The following EPHA4 variants were observed in gnomAD, a reference collection of about 807,000 sequenced individuals.
EPHA4 encodes the protein ephrin type-A receptor 4.
A neutral mutation model predicts 108.3 loss-of-function variants in EPHA4; 19 were observed. The observed-to-expected ratio is 0.18, with a 90% confidence interval of 0.12 to 0.26. The LOEUF (loss-of-function observed/expected upper bound fraction) is 0.26. Ranked by LOEUF, EPHA4 falls within the 10% of genes least tolerant of loss-of-function variation. The pLI, the probability that EPHA4 is intolerant of heterozygous loss-of-function variation, is 1.00. For synonymous variants in EPHA4, 449 were observed against 455.5 expected, an observed-to-expected ratio of 0.99 and a Z score of 0.18; for missense variants, 917 against 1,254.0, an observed-to-expected ratio of 0.73 and a Z score of 4.06.
intron 3 of EPHA4, among the ~76,000 whole-genome samples, chr2:221,528,292 A>G (rs549770215): frequency 6.6e-6 from 1 of 152,324 alleles, no homozygotes; most frequent in South Asian, 2.1e-4. Context: ...AATAGCAAAT[A>G]CTAGCCTTGC....
chr2:221,478,909 A>C (rs1691738687), intron 5 of EPHA4, among the ~76,000 whole-genome samples: 1 of 152,222 alleles, frequency 6.6e-6, no homozygotes. Context: ...AAAAGCTGAC[A>C]GACATTCAGA....
intron 15 of EPHA4, among the ~76,000 whole-genome samples, chr2:221,429,525 T>G (rs945401153): frequency 1.3e-5 from 2 of 152,178 alleles, no homozygotes; most frequent in African/African-American, 4.8e-5. Context: ...AATTAACACT[T>G]TATAAATCAA....
chr2:221,504,180 C>T (rs574376864), intron 3 of EPHA4, among the ~76,000 whole-genome samples: 1 of 152,276 alleles, frequency 6.6e-6, no homozygotes, highest in South Asian at 2.1e-4. Context: ...CCTATTTCCA[C>T]CGAAGTTTCA....
rs745759587 is a variant in EPHA4 at position 221,482,587 on chromosome 2, G to C, written c.1083C>G (p.Ser361=). ...CACATTTCTTGCATACCACATTATAGGAAATGTCCTGGCGGCCACCTGTAT... is the reference window on the plus strand; with the variant it reads ...CACATTTCTTGCATACCACATTATACGAAATGTCCTGGCGGCCACCTGTAT... The part of the protein sequence containing the change: ...PQNTGGRQDI[S]YNVVCKKCGA... The change falls in exon 5 of 18, where the codon TCC becomes TCG. Residue 361 remains serine, a synonymous_variant. Coordinates refer to ENST00000281821, the MANE Select transcript of EPHA4 (RefSeq NM_004438.5). 48 of 1,613,944 alleles carry C rather than the reference G, an allele frequency of 3.0e-5. No homozygotes were observed. The highest frequency in any genetic ancestry group is 3.7e-5 in the Non-Finnish European group (44 of 1,180,000).
At chr2:221,504,243 A>G (rs565213157) in intron 3 of EPHA4, among the ~76,000 whole-genome samples, 3 of 152,312 alleles carry the variant, frequency 2.0e-5, no homozygotes, top group Admixed American at 2.0e-4. Flanking sequence ...TAGATATGCC[A>G]TGGAGAAAAG....
Position 221,501,004 on chromosome 2 carries a change from G to A in EPHA4, c.979+13C>T. On this transcript the variant is annotated intron_variant, in intron 4 of 17. Coordinates refer to ENST00000281821, the MANE Select transcript of EPHA4 (RefSeq NM_004438.5). ...TTGGCATCACAGGAATGAGAGACAA[G>A]CATACAACTTACGGGTGCAGGGCAT... The A allele has an allele frequency of 6.3e-7, 1 of 1,579,166 alleles. No individual in the cohort carries two copies. Among genetic ancestry groups the A allele is most frequent in the Non-Finnish European group, 8.6e-7 (1 of 1,164,190 alleles).
At chr2:221,441,490 A>G (rs1167331039) in intron 11 of EPHA4, among the ~76,000 whole-genome samples, 1 of 151,950 alleles carries the variant, frequency 6.6e-6, no homozygotes, top group Non-Finnish European at 1.5e-5. Flanking sequence ...CCATCACCCA[A>G]TAAAACCTAC....
intron 3 of EPHA4, among the ~76,000 whole-genome samples, chr2:221,527,687 A>G (rs938711375): frequency 6.6e-6 from 1 of 152,228 alleles, no homozygotes. Flanking sequence ...AGGATTCAAC[A>G]TAACATTGGC....
chr2:221,433,049 C>G (rs1201117385), intron 14 of EPHA4, among the ~76,000 whole-genome samples: 1 of 152,050 alleles, frequency 6.6e-6, no homozygotes, highest in African/African-American at 2.4e-5. Flanking sequence ...TGGTCTCGAA[C>G]TCCTGACCTT....
At chr2:221,518,346 T>C (rs1467690052) in intron 3 of EPHA4, among the ~76,000 whole-genome samples, 2 of 152,180 alleles carry the variant, frequency 1.3e-5, no homozygotes, top group Non-Finnish European at 2.9e-5. Flanking sequence ...ACCCCGCTCT[T>C]TACCCGCTCC....
chr2:221,486,967 C>T (rs1288022369), intron 4 of EPHA4, among the ~76,000 whole-genome samples: 1 of 152,024 alleles, frequency 6.6e-6, no homozygotes, highest in Non-Finnish European at 1.5e-5. Context: ...CAACTTTTCA[C>T]ATACAGATTC....
intron 3 of EPHA4, among the ~76,000 whole-genome samples, chr2:221,558,242 G>T (rs867170883): frequency 6.6e-6 from 1 of 152,106 alleles, no homozygotes; most frequent in African/African-American, 2.4e-5. Flanking sequence ...TGTGAAAAAT[G>T]GTAACTTGTA....
chr2:221,476,443 T>C (rs1691655875), intron 5 of EPHA4, among the ~76,000 whole-genome samples: 1 of 152,210 alleles, frequency 6.6e-6, no homozygotes, highest in South Asian at 2.1e-4. Flanking sequence ...TGTCTGACAA[T>C]TGCATTTATC....
At chr2:221,468,329 GA>G (rs1202306028) in intron 5 of EPHA4, among the ~76,000 whole-genome samples, 68 of 152,110 alleles carry the variant, frequency 4.5e-4, no homozygotes, top group Non-Finnish European at 4.6e-4. Flanking sequence ...ACAATGTAAG[GA>G]AAAGGTTCAT....
intron 4 of EPHA4, among the ~76,000 whole-genome samples, chr2:221,488,329 A>C (rs1041211191): frequency 6.6e-6 from 1 of 152,194 alleles, no homozygotes; most frequent in African/African-American, 2.4e-5. Flanking sequence ...AGCTCAGTCC[A>C]GGAACCCCTG....
At chr2:221,517,725 G>T (rs1693031575) in intron 3 of EPHA4, among the ~76,000 whole-genome samples, 1 of 152,120 alleles carries the variant, frequency 6.6e-6, no homozygotes, top group Non-Finnish European at 1.5e-5. Flanking sequence ...CCTTCCAAAT[G>T]AGTCATGTCT....
intron 8 of EPHA4, among the ~76,000 whole-genome samples, chr2:221,448,837 G>A (rs1252285283): frequency 1.3e-5 from 2 of 152,140 alleles, no homozygotes; most frequent in South Asian, 2.1e-4. Flanking sequence ...ACTTAAAATT[G>A]TCAATGAAAC....
chr2:221,469,016 A>G (rs1191874980), intron 5 of EPHA4, among the ~76,000 whole-genome samples: 1 of 152,248 alleles, frequency 6.6e-6, no homozygotes. Context: ...CAATGGGCAA[A>G]ACATTAATAT....
chr2:221,528,834 A>G (rs532355815), intron 3 of EPHA4, among the ~76,000 whole-genome samples: 3 of 152,318 alleles, frequency 2.0e-5, no homozygotes, highest in East Asian at 1.9e-4. Flanking sequence ...GCTACATTCC[A>G]GATTTCAAAT....
Sources: allele counts gnomAD v4.1 joint callset (sites outside exome capture counted in the v4.1 genomes callset), GRCh38; gene constraint gnomAD v4.1.1; transcripts MANE v1.5; gene names NCBI Gene and HGNC (gene_info 2026-07-23, HGNC 2026-07-21).